The following GRIK2 variants were observed in gnomAD, a reference collection of about 807,000 sequenced individuals.
The protein encoded by GRIK2 is glutamate receptor ionotropic, kainate 2.
Under a neutral mutation model 100.3 loss-of-function variants are expected in GRIK2, and 32 were observed. The ratio of observed to expected loss-of-function variants is 0.32; its 90% confidence interval spans 0.24 to 0.43. The LOEUF (loss-of-function observed/expected upper bound fraction) is 0.43, where lower values mean the gene tolerates loss of function less well. GRIK2 is among the 20% of genes least tolerant of loss of function. The pLI is 1.00. For missense variants in GRIK2, 843 were observed against 1,114.9 expected (o/e 0.76, Z 3.47); for synonymous variants, 417 against 389.4 (o/e 1.07, Z -0.83).
chr6:101,752,748 A>G (rs997318788), intron 7 of GRIK2, among the ~76,000 whole-genome samples: 2 of 152,216 alleles, frequency 1.3e-5, no homozygotes, highest in African/African-American at 4.8e-5. Flanking sequence ...TAACATGAAC[A>G]TATGTTGTAA....
At position 101,942,924 on chromosome 6, in the gene GRIK2, G is replaced by A. The variant is rs1024769763; in HGVS notation, c.2085+14292G>A. On this transcript the variant is annotated intron_variant, in intron 14 of 16. Transcript: ENST00000369134. ...AAATTTGCATAAATGAAGAAGAGTA[G>A]AATGTTAATAGCCAAGATAATAAGG... Among the ~76,000 whole-genome samples the A allele has an allele frequency of 2.0e-5, 3 of 152,168 alleles. No individual in the cohort carries two copies. The East Asian group carries it at 5.8e-4, about 29-fold the overall frequency.
intron 10 of GRIK2, among the ~76,000 whole-genome samples, chr6:101,849,835 T>G (rs111662890): frequency 1.1e-5 from 1 of 94,814 alleles, no homozygotes; most frequent in African/African-American, 4.0e-5. Context: ...TTTTTTTTTT[T>G]TTTTGGTCAA....
intron 2 of GRIK2, among the ~76,000 whole-genome samples, chr6:101,413,487 G>T (rs930681044): frequency 3.3e-5 from 5 of 151,786 alleles, no homozygotes; most frequent in African/African-American, 1.2e-4. Context: ...TTAATTATTT[G>T]CATAACAAAG....
At chr6:101,787,888 G>A (rs1374502066) in intron 7 of GRIK2, among the ~76,000 whole-genome samples, 1 of 152,098 alleles carries the variant, frequency 6.6e-6, no homozygotes, top group South Asian at 2.1e-4. Context: ...AATGTTGAGA[G>A]TGGATATTAA....
intron 9 of GRIK2, among the ~76,000 whole-genome samples, chr6:101,808,507 T>G (rs1052417847): frequency 6.6e-6 from 1 of 152,014 alleles, no homozygotes; most frequent in African/African-American, 2.4e-5. Flanking sequence ...TCCTGGTTAT[T>G]CAAAATAATT....
rs913826746 is a variant in GRIK2 at position 101,956,340 on chromosome 6, T to C, written c.2085+27708T>C. Among the ~76,000 whole-genome samples, 6 of 152,294 alleles carry C rather than the reference T, an allele frequency of 3.9e-5. No individual in the cohort carries two copies. The East Asian group carries it at 9.6e-4, about 24-fold the overall frequency. The stretch of plus-strand genomic sequence containing the variant: ...TTTATATCTATTTGGAGAATATTGT[T>C]ACCTTAACAATATTATGTCTTTTGA... On this transcript the variant is annotated intron_variant, in intron 14 of 16. Transcript: ENST00000369134.
intron 14 of GRIK2, among the ~76,000 whole-genome samples, chr6:101,975,044 G>T (rs1209021607): frequency 1.3e-5 from 2 of 151,870 alleles, no homozygotes; most frequent in East Asian, 3.9e-4. Flanking sequence ...TGATTATTTT[G>T]TTTCTTTCTT....
chr6:101,779,217 A>G (rs971543778), intron 7 of GRIK2, among the ~76,000 whole-genome samples: 1 of 152,060 alleles, frequency 6.6e-6, no homozygotes, highest in African/African-American at 2.4e-5. Flanking sequence ...TGATGGATGG[A>G]ATAGTACTGA....
intron 15 of GRIK2, among the ~76,000 whole-genome samples, chr6:102,041,514 C>A (rs1770572347): frequency 6.6e-6 from 1 of 151,346 alleles, no homozygotes. Flanking sequence ...ATTTGCTGAC[C>A]CTCATGTGAC....
At chr6:101,857,046 G>A (rs1005820019) in intron 10 of GRIK2, among the ~76,000 whole-genome samples, 1 of 152,124 alleles carries the variant, frequency 6.6e-6, no homozygotes, top group African/African-American at 2.4e-5. Flanking sequence ...GACAGCAATT[G>A]TAGAGAGAGA....
chr6:101,595,741 T>TATATATATATATATATA (rs1778899760), intron 2 of GRIK2, among the ~76,000 whole-genome samples: 1 of 146,366 alleles, frequency 6.8e-6, no homozygotes, highest in South Asian at 2.1e-4. Context: ...TATATATATA[T>TATATATATATATATATA]TCATACACAT....
chr6:102,014,748 GC>G (rs1795743843), intron 14 of GRIK2, among the ~76,000 whole-genome samples: 1 of 152,136 alleles, frequency 6.6e-6, no homozygotes, highest in South Asian at 2.1e-4. Context: ...ATGGTTTTGA[GC>G]AATTTTCTTA....
intron 8 of GRIK2, among the ~76,000 whole-genome samples, chr6:101,801,972 C>A (rs540751495): frequency 6.6e-6 from 1 of 151,810 alleles, no homozygotes; most frequent in South Asian, 2.1e-4. Context: ...GTAGTTCTAA[C>A]TGTATTTGCC....
intron 7 of GRIK2, among the ~76,000 whole-genome samples, chr6:101,727,882 G>A (rs1401541785): frequency 1.3e-4 from 20 of 151,956 alleles, no homozygotes; most frequent in Non-Finnish European, 4.4e-5. Context: ...GTGTATGTAT[G>A]CATATATATT....
chr6:101,438,386 G>A (rs1310129537), intron 2 of GRIK2, among the ~76,000 whole-genome samples: 4 of 152,038 alleles, frequency 2.6e-5, no homozygotes, highest in Non-Finnish European at 4.4e-5. Context: ...AGTGACACTG[G>A]CCATTAACTT....
intron 7 of GRIK2, among the ~76,000 whole-genome samples, chr6:101,762,591 A>G (rs948243998): frequency 6.6e-6 from 1 of 152,146 alleles, no homozygotes; most frequent in Non-Finnish European, 1.5e-5. Context: ...AATGACAGTG[A>G]ATGACTTAGG....
intron 2 of GRIK2, among the ~76,000 whole-genome samples, chr6:101,575,610 G>A (rs753117160): frequency 6.6e-6 from 1 of 151,950 alleles, no homozygotes; most frequent in Non-Finnish European, 1.5e-5. Context: ...AGAAAATATA[G>A]ATAGTGTTCT....
chr6:101,690,808 T>C (rs1772040298), intron 7 of GRIK2, among the ~76,000 whole-genome samples: 1 of 152,194 alleles, frequency 6.6e-6, no homozygotes, highest in African/African-American at 2.4e-5. Flanking sequence ...CACTTACCTT[T>C]TTTTGAATGT....
chr6:102,008,140 A>G (rs951539174), intron 14 of GRIK2, among the ~76,000 whole-genome samples: 4 of 152,102 alleles, frequency 2.6e-5, no homozygotes, highest in African/African-American at 4.8e-5. Flanking sequence ...AGATGTCATG[A>G]AGTCTAGCTA....
Sources: allele counts gnomAD v4.1 joint callset (sites outside exome capture counted in the v4.1 genomes callset), GRCh38; gene constraint gnomAD v4.1.1; transcripts MANE v1.5; gene names NCBI Gene and HGNC (gene_info 2026-07-23, HGNC 2026-07-21).